Variants in MYO10 observed in about 807,000 individuals in gnomAD.
MYO10 encodes the protein unconventional myosin-X.
MYO10 carries 133 observed loss-of-function variants against 257.3 expected under a neutral mutation model. The observed-to-expected ratio is 0.52, with a 90% CI of 0.45 to 0.60. The LOEUF is 0.60. Among genes scored for constraint, MYO10 ranks in the 20% least tolerant of loss-of-function variants. The probability of loss-of-function intolerance (pLI) is 0.00; values close to 1 mark genes in which losing one functional copy is unlikely to be tolerated. For missense variants in MYO10, 2,399 were observed against 2,635.7 expected, an observed-to-expected ratio of 0.91 and a Z score of 1.97; for synonymous variants, 1,104 against 1,028.6, an observed-to-expected ratio of 1.07 and a Z score of -1.40.
chr5:16,727,448 T>A (rs998342352), intron 19 of MYO10, among the ~76,000 whole-genome samples: 2 of 152,230 alleles, frequency 1.3e-5, no homozygotes, highest in African/African-American at 4.8e-5. Flanking sequence ...TAACACATAT[T>A]CCTTTTCATA....
At chr5:16,912,680 C>T (rs1745690403) in intron 1 of MYO10, among the ~76,000 whole-genome samples, 1 of 151,994 alleles carries the variant, frequency 6.6e-6, no homozygotes, top group Admixed American at 6.6e-5. Flanking sequence ...TACCTTAATT[C>T]TGACCAAATG....
chr5:16,916,314 T>C (rs1745815476), intron 1 of MYO10: 2 of 320,818 alleles, frequency 6.2e-6, no homozygotes, highest in African/African-American at 4.3e-5. Context: ...TCTTTTTAAG[T>C]TATTCCCAAT....
chr5:16,789,898 G>T (rs1325609847), intron 4 of MYO10, among the ~76,000 whole-genome samples: 1 of 152,156 alleles, frequency 6.6e-6, no homozygotes, highest in African/African-American at 2.4e-5. Context: ...ACAGTTCTGG[G>T]CCTCGGCTTC....
At chr5:16,796,477 A>G (rs1260062615) in intron 3 of MYO10, among the ~76,000 whole-genome samples, 1 of 55,900 alleles carries the variant, frequency 1.8e-5, no homozygotes, top group Middle Eastern at 7.6e-3. Context: ...AGAAAAGAAA[A>G]GAAAAGAAAG....
intron 4 of MYO10, 50 bp downstream of exon 4, chr5:16,794,596 G>T (rs1579998300): frequency 2.0e-6 from 3 of 1,522,740 alleles, no homozygotes. Context: ...GGGGTGCGCG[G>T]AGGGACTCCT....
chr5:16,889,189 TA>T (rs34138785), intron 1 of MYO10, among the ~76,000 whole-genome samples: 630 of 59,102 alleles, frequency 0.011, 1 homozygote, highest in East Asian at 0.015. Context: ...TAAAAAAATT[TA>T]AAAAAAAAAA....
chr5:16,917,798 C>CCAGGAGG (rs1295436961), intron 1 of MYO10, among the ~76,000 whole-genome samples: 4 of 152,078 alleles, frequency 2.6e-5, no homozygotes, highest in Non-Finnish European at 5.9e-5. Flanking sequence ...TCTCTTGAGC[C>CCAGGAGG]CAGGAGGTCC....
intron 1 of MYO10, among the ~76,000 whole-genome samples, chr5:16,908,190 C>G (rs903178300): frequency 2.6e-5 from 4 of 151,972 alleles, no homozygotes; most frequent in African/African-American, 9.7e-5. Flanking sequence ...AAGATTGTGC[C>G]ACTGCACTCC....
intron 10 of MYO10, among the ~76,000 whole-genome samples, chr5:16,768,664 C>CTTTTTTTT (rs34950225): frequency 0.012 from 813 of 70,098 alleles, 16 homozygotes; most frequent in Middle Eastern, 0.022. Context: ...TTTCTCTTTT[C>CTTTTTTTT]TTTTTTTTTT....
chr5:16,936,171 C>T lies in MYO10; in HGVS notation c.-363G>A. 3.3e-6 allele frequency: 1 copy of T among 298,716 alleles called. No individual in the cohort carries two copies. The highest frequency in any genetic ancestry group is 4.2e-5 in the South Asian group (1 of 23,776). 18.5% of individuals were successfully genotyped at this position (298,716 alleles called of 1,614,324 possible). On this transcript the variant is annotated 5_prime_UTR_variant, in exon 1 of 41. Coordinates refer to ENST00000513610, the MANE Select transcript of MYO10 (RefSeq NM_012334.3). ...TCCCTCTGCGCTCCGGCCGGGGGCC[C>T]TCGGGGCGGGCAGGAGGACAGCGGG...
intron 2 of MYO10, among the ~76,000 whole-genome samples, chr5:16,841,407 C>G (rs1561012923): frequency 6.6e-6 from 1 of 152,162 alleles, no homozygotes; most frequent in Non-Finnish European, 1.5e-5. Flanking sequence ...GTTAAGCAGG[C>G]TGAAACTCCA....
chr5:16,695,800 T>C (rs1737720011), intron 26 of MYO10, among the ~76,000 whole-genome samples: 1 of 152,234 alleles, frequency 6.6e-6, no homozygotes, highest in African/African-American at 2.4e-5. Flanking sequence ...TATCCTTTTA[T>C]GCGTTCACTG....
chr5:16,765,233 C>T (rs117395714), intron 11 of MYO10, among the ~76,000 whole-genome samples: 1 of 152,062 alleles, frequency 6.6e-6, no homozygotes, highest in East Asian at 1.9e-4. Context: ...GAAGGCACAT[C>T]CATCCTTAAT....
rs993101859 is a variant in MYO10, at chr5:16,711,254, T to C, written c.1930-9A>G. The C allele has an allele frequency of 3.1e-5, 47 of 1,496,876 alleles. No individual in the cohort carries two copies. Among genetic ancestry groups the C allele is most frequent in the Non-Finnish European group, 4.1e-5 (46 of 1,124,486 alleles). 92.7% of individuals were successfully genotyped at this position (1,496,876 alleles called of 1,614,324 possible). ...TCAAACTGGTCTGGCATCTAAACCA[T>C]GCAAAAAAAAAAGATGGGATACCAT... On this transcript the variant is annotated splice_polypyrimidine_tract_variant and intron_variant, in intron 19 of 40. Transcript: ENST00000513610.
At position 16,763,693 on chromosome 5, in the gene MYO10, G is replaced by A; in HGVS notation, c.1389C>T (p.Asn463=). Reference sequence around the variant, plus strand: ...GTTGTTCTAAAGAAAAAATATGCTTGTTGAAGTACTCCTGAAGTTTCTCGT... The same window carrying A: ...GTTGTTCTAAAGAAAAAATATGCTTATTGAAGTACTCCTGAAGTTTCTCGT... ...YANEKLQEYF[N]KHIFSLEQLE... is the part of the protein sequence containing the mutation. The change falls in exon 13 of 41, where the codon AAC becomes AAT. Residue 463 remains asparagine (N), a synonymous_variant. Transcript: ENST00000513610. The A allele has an allele frequency of 6.2e-7, 1 of 1,610,768 alleles. No individual in the cohort carries two copies. The highest frequency in any genetic ancestry group is 1.1e-5 in the South Asian group (1 of 90,914).
intron 9 of MYO10, among the ~76,000 whole-genome samples, chr5:16,778,391 C>T (rs1297136379): frequency 1.3e-5 from 2 of 152,146 alleles, no homozygotes; most frequent in East Asian, 3.9e-4. Context: ...TGGATGATAC[C>T]TTAACATGAG....
At chr5:16,850,048 T>C (rs1334350163) in intron 2 of MYO10, among the ~76,000 whole-genome samples, 2 of 152,198 alleles carry the variant, frequency 1.3e-5, no homozygotes, top group South Asian at 2.1e-4. Context: ...ATGGCAACTT[T>C]AGACCCGGAA....
intron 2 of MYO10, among the ~76,000 whole-genome samples, chr5:16,863,641 A>T (rs752203838): frequency 3.5e-4 from 53 of 152,352 alleles, no homozygotes; most frequent in Non-Finnish European, 6.2e-4. Context: ...TTAAAATAAG[A>T]TTCTGAGCCA....
chr5:16,902,020 A>C (rs1745391848), intron 1 of MYO10, among the ~76,000 whole-genome samples: 1 of 152,052 alleles, frequency 6.6e-6, no homozygotes, highest in Non-Finnish European at 1.5e-5. Context: ...CATGCACCCC[A>C]AGTTATGTTC....
Sources: gnomAD v4.1 joint callset for allele counts (sites outside exome capture counted in the v4.1 genomes callset) on GRCh38, gnomAD v4.1.1 for gene constraint, MANE v1.5 for transcripts, NCBI Gene and HGNC (gene_info 2026-07-23, HGNC 2026-07-21) for gene names.